The following FMN2 variants were observed in gnomAD, a reference collection of about 807,000 sequenced individuals.
The protein encoded by FMN2 is formin 2.
Under a neutral mutation model 142.3 loss-of-function variants are expected in FMN2, and 51 were observed. The observed-to-expected ratio is 0.36, with a 90% CI of 0.29 to 0.45. The LOEUF (loss-of-function observed/expected upper bound fraction) is 0.45, where lower values mean the gene tolerates loss of function less well. Ranked by LOEUF, FMN2 falls within the 20% of genes least tolerant of loss-of-function variation. The probability of loss-of-function intolerance (pLI) is 1.00; values close to 1 mark genes in which losing one functional copy is unlikely to be tolerated. For missense variants in FMN2, 1,936 were observed against 2,122.8 expected, an observed-to-expected ratio of 0.91 and a Z score of 1.73; for synonymous variants, 882 against 869.8, an observed-to-expected ratio of 1.01 and a Z score of -0.25.
intron 15 of FMN2, among the ~76,000 whole-genome samples, chr1:240,427,194 GTTTTTT>G (rs148613479): frequency 0.099 from 13,448 of 135,216 alleles, 2,345 homozygotes; most frequent in African/African-American, 0.34. Flanking sequence ...TATATATATG[GTTTTTT>G]TTTTGTTTTT....
intron 14 of FMN2, among the ~76,000 whole-genome samples, chr1:240,385,575 C>A (rs1333348042): frequency 6.6e-6 from 1 of 152,078 alleles, no homozygotes; most frequent in East Asian, 1.9e-4. Flanking sequence ...GAAAATTGTT[C>A]CAGCTCCTTT....
intron 2 of FMN2, among the ~76,000 whole-genome samples, chr1:240,175,442 C>T (rs531035791): frequency 2.0e-5 from 3 of 152,260 alleles, no homozygotes; most frequent in South Asian, 4.1e-4. Context: ...TACGGTATCA[C>T]TAATAGTACA....
At chr1:240,100,106 T>A (rs1379423983) in intron 1 of FMN2, among the ~76,000 whole-genome samples, 2 of 152,226 alleles carry the variant, frequency 1.3e-5, no homozygotes, top group Admixed American at 1.3e-4. Flanking sequence ...GGAAAATTGC[T>A]AACCTTTCTG....
chr1:240,450,734 CT>C (rs1259638858), intron 16 of FMN2, among the ~76,000 whole-genome samples: 3 of 152,182 alleles, frequency 2.0e-5, no homozygotes, highest in African/African-American at 7.2e-5. Flanking sequence ...GGTATGTCTC[CT>C]TGCACATTTC....
chr1:240,318,240 C>A (rs998116394), intron 8 of FMN2, among the ~76,000 whole-genome samples: 2 of 152,116 alleles, frequency 1.3e-5, no homozygotes, highest in African/African-American at 4.8e-5. Context: ...ACTTGCTCCA[C>A]TTCATAGCGC....
intron 2 of FMN2, among the ~76,000 whole-genome samples, chr1:240,154,212 A>G (rs1277302544): frequency 6.6e-6 from 1 of 151,568 alleles, no homozygotes; most frequent in African/African-American, 2.4e-5. Context: ...CACTGGAGAG[A>G]GGGAGCAGAC....
chr1:240,413,591 T>C (rs1206179071), intron 15 of FMN2, among the ~76,000 whole-genome samples: 1 of 152,086 alleles, frequency 6.6e-6, no homozygotes, highest in Non-Finnish European at 1.5e-5. Flanking sequence ...TGAGAGAGAA[T>C]ATGAGTACAC....
intron 8 of FMN2, among the ~76,000 whole-genome samples, chr1:240,318,512 T>G (rs1670865844): frequency 6.6e-6 from 1 of 152,182 alleles, no homozygotes. Flanking sequence ...CTCAGGAAGT[T>G]CATCACCATG....
intron 4 of FMN2, among the ~76,000 whole-genome samples, chr1:240,201,201 C>T (rs1359869832): frequency 3.9e-5 from 6 of 152,164 alleles, no homozygotes; most frequent in African/African-American, 1.4e-4. Context: ...GTAGATCCAA[C>T]CCCAAATCCC....
intron 2 of FMN2, among the ~76,000 whole-genome samples, chr1:240,152,665 C>T (rs1219863327): frequency 6.6e-6 from 1 of 152,148 alleles, no homozygotes; most frequent in Non-Finnish European, 1.5e-5. Flanking sequence ...GAGACAACAT[C>T]CCGAGAAACT....
chr1:240,254,554 C>T (rs1235760321), intron 6 of FMN2, among the ~76,000 whole-genome samples: 1 of 152,012 alleles, frequency 6.6e-6, no homozygotes, highest in African/African-American at 2.4e-5. Flanking sequence ...CCCAGGTCCC[C>T]CCTACCCCTG....
intron 2 of FMN2, among the ~76,000 whole-genome samples, chr1:240,142,501 T>TTATTTATTTATTTATATA (rs1164646678): frequency 0.18 from 13,744 of 78,170 alleles, 716 homozygotes; most frequent in Middle Eastern, 0.26. Context: ...TTATTTATAT[T>TTATTTATTTATTTATATA]TTTTGGGGGG....
intron 1 of FMN2, among the ~76,000 whole-genome samples, chr1:240,106,323 A>T (rs971316787): frequency 1.3e-5 from 2 of 152,186 alleles, no homozygotes; most frequent in African/African-American, 4.8e-5. Context: ...TCTATGAAAC[A>T]TCCAACATTT....
intron 8 of FMN2, among the ~76,000 whole-genome samples, chr1:240,321,795 A>G (rs979327012): frequency 3.3e-5 from 5 of 152,192 alleles, no homozygotes; most frequent in African/African-American, 1.2e-4. Flanking sequence ...AATGTTAAAC[A>G]TTGCGACTCC....
At chr1:240,328,159 A>AG (rs1006181641) in intron 8 of FMN2, among the ~76,000 whole-genome samples, 1 of 148,894 alleles carries the variant, frequency 6.7e-6, no homozygotes, top group South Asian at 2.1e-4. Context: ...AAAAAAAAAA[A>AG]AAAAAAAAAA....
At chr1:240,347,361 A>G (rs555101096) in intron 13 of FMN2, among the ~76,000 whole-genome samples, 1 of 152,008 alleles carries the variant, frequency 6.6e-6, no homozygotes, top group Non-Finnish European at 1.5e-5. Flanking sequence ...AACCAAATGC[A>G]TTTTCATTCC....
chr1:240,405,621 A>G (rs1400742931), intron 15 of FMN2, among the ~76,000 whole-genome samples: 1 of 138,958 alleles, frequency 7.2e-6, no homozygotes, highest in Non-Finnish European at 1.5e-5. Flanking sequence ...TCCGTCTCAA[A>G]AAAAAAAAAA....
At chr1:240,225,621 C>T (rs540179532) in intron 6 of FMN2, among the ~76,000 whole-genome samples, 6 of 152,204 alleles carry the variant, frequency 3.9e-5, no homozygotes, top group South Asian at 4.1e-4. Flanking sequence ...AAATATAATG[C>T]GTGAAATGTC....
At chr1:240,303,448 CTT>C (rs1207619739) in intron 8 of FMN2, among the ~76,000 whole-genome samples, 5 of 152,136 alleles carry the variant, frequency 3.3e-5, no homozygotes, top group Admixed American at 2.6e-4. Flanking sequence ...TTGGTTGAAA[CTT>C]TATTTTGTTT....
Sources: allele counts gnomAD v4.1 joint callset (sites outside exome capture counted in the v4.1 genomes callset), GRCh38; gene constraint gnomAD v4.1.1; transcripts MANE v1.5; gene names NCBI Gene and HGNC (gene_info 2026-07-23, HGNC 2026-07-21).